The following LRRN1 variants were observed in gnomAD, a reference collection of about 807,000 sequenced individuals.
The protein encoded by LRRN1 is leucine rich repeat neuronal 1.
LRRN1 carries 14 observed loss-of-function variants against 45.8 expected under a neutral mutation model. The ratio of observed to expected loss-of-function variants is 0.31; its 90% CI spans 0.20 to 0.48. The LOEUF (loss-of-function observed/expected upper bound fraction) is 0.48. Among genes scored for constraint, LRRN1 ranks in the 20% least tolerant of loss-of-function variants. LRRN1 has a pLI of 0.99. For missense variants in LRRN1, 789 were observed against 874.2 expected (o/e 0.90, Z 1.23); for synonymous variants, 359 against 330.1 (o/e 1.09, Z -0.95).
chr3:3,800,534 C>T (rs1472344663), intron 1 of LRRN1, among the ~76,000 whole-genome samples: 1 of 151,986 alleles, frequency 6.6e-6, no homozygotes, highest in East Asian at 1.9e-4. Flanking sequence ...CTCGGCGGTC[C>T]ACGCGGGGAC....
At chr3:3,811,588 C>T (rs1194064252) in intron 1 of LRRN1, among the ~76,000 whole-genome samples, 1 of 152,142 alleles carries the variant, frequency 6.6e-6, no homozygotes, top group Non-Finnish European at 1.5e-5. Context: ...AGTTCATAAA[C>T]CTGTATTATA....
chr3:3,838,999 T>G (rs990369636), intron 1 of LRRN1, among the ~76,000 whole-genome samples: 14 of 152,134 alleles, frequency 9.2e-5, no homozygotes, highest in African/African-American at 3.1e-4. Context: ...TGCACAGACC[T>G]TAAGTTTGAA....
chr3:3,827,383 G>C (rs1332592878), intron 1 of LRRN1: 1 of 455,156 alleles, frequency 2.2e-6, no homozygotes, highest in Non-Finnish European at 4.4e-6. Flanking sequence ...GCTGAAGGCA[G>C]AGTGGCCTTC....
At chr3:3,801,356 GACA>G (rs1692648850) in intron 1 of LRRN1, 1 of 152,238 alleles carries the variant, frequency 6.6e-6, no homozygotes, top group Non-Finnish European at 1.5e-5. Context: ...TTTTCTAAAA[GACA>G]ACATGTTTTG....
At chr3:3,836,303 T>C (rs1460466200) in intron 1 of LRRN1, among the ~76,000 whole-genome samples, 1 of 152,228 alleles carries the variant, frequency 6.6e-6, no homozygotes, top group African/African-American at 2.4e-5. Flanking sequence ...CTCTAGAACT[T>C]TGTCATCTTG....
chr3:3,825,004 T>C (rs1293527076), intron 1 of LRRN1, among the ~76,000 whole-genome samples: 1 of 152,178 alleles, frequency 6.6e-6, no homozygotes, highest in Non-Finnish European at 1.5e-5. Context: ...TTTTGATCAG[T>C]TGAAGTCAAA....
chr3:3,801,137 A>G (rs2584051), intron 1 of LRRN1: 141,327 of 152,378 alleles, frequency 0.93, 65,712 homozygotes, highest in East Asian at 1. Flanking sequence ...CCGCGGCCCC[A>G]GCGCCAAGAA....
At chr3:3,820,468 A>G (rs1371437789) in intron 1 of LRRN1, among the ~76,000 whole-genome samples, 1 of 152,146 alleles carries the variant, frequency 6.6e-6, no homozygotes, top group Non-Finnish European at 1.5e-5. Flanking sequence ...GTTATTTTCT[A>G]TGTAAACCGC....
intron 1 of LRRN1, among the ~76,000 whole-genome samples, chr3:3,822,040 T>A (rs1693115743): frequency 6.6e-6 from 1 of 152,204 alleles, no homozygotes; most frequent in South Asian, 2.1e-4. Flanking sequence ...CGATGCGATT[T>A]GGGTTCTGGC....
chr3:3,814,555 T>C (rs1692949412), intron 1 of LRRN1, among the ~76,000 whole-genome samples: 2 of 152,084 alleles, frequency 1.3e-5, no homozygotes, highest in Admixed American at 6.6e-5. Context: ...ATTTGTATAT[T>C]GGAACTTAAA....
intron 1 of LRRN1, among the ~76,000 whole-genome samples, chr3:3,834,262 C>G (rs1398244753): frequency 6.6e-6 from 1 of 151,852 alleles, no homozygotes; most frequent in Non-Finnish European, 1.5e-5. Context: ...CACTGAACTC[C>G]TTGCCTCTTA....
intron 1 of LRRN1, among the ~76,000 whole-genome samples, chr3:3,814,437 T>C (rs1007682296): frequency 6.6e-6 from 1 of 151,980 alleles, no homozygotes; most frequent in African/African-American, 2.4e-5. Context: ...CTTGTTGGGT[T>C]CTGCATCCTG....
chr3:3,802,963 C>T (rs148473785), intron 1 of LRRN1, among the ~76,000 whole-genome samples: 28 of 149,542 alleles, frequency 1.9e-4, no homozygotes, highest in Admixed American at 6.1e-4. Context: ...AGAACTCATT[C>T]CTTGGTAAAT....
Position 3,845,017 on chromosome 3 carries a change from T to G in LRRN1, c.376T>G (p.Leu126Val), listed in dbSNP as rs767464915. The G allele has an allele frequency of 2.5e-6, 4 of 1,614,066 alleles. No homozygotes were observed. The East Asian group carries it at 8.9e-5, about 36-fold the overall frequency. Residue 126 changes from leucine to valine, a missense_variant, in exon 2 of 2, where the codon TTG (leucine) becomes GTG (valine). Leu to Val is a conservative substitution (Grantham distance 32). Transcript: ENST00000319331. This position sits in a 1 kb window ranked among gnomAD's most constrained non-coding sequence, Gnocchi z 6.5. ...CCTAACCCAGCTCACAACGCTGCAT[T>G]TGGAGGAAAATCAGATTACCGAGAT... Reference protein sequence around the residue: ...ANLTQLTTLHLEENQITEMTD... With the variant: ...ANLTQLTTLHVEENQITEMTD...
chr3:3,808,456 A>G (rs1219368470), intron 1 of LRRN1, among the ~76,000 whole-genome samples: 1 of 152,182 alleles, frequency 6.6e-6, no homozygotes, highest in Admixed American at 6.5e-5. Context: ...TGTCAAGTGA[A>G]TGAATGAATG....
intron 1 of LRRN1, among the ~76,000 whole-genome samples, chr3:3,829,991 A>T (rs1388147326): frequency 6.6e-6 from 1 of 152,152 alleles, no homozygotes; most frequent in African/African-American, 2.4e-5. Flanking sequence ...TTGGGCACTC[A>T]GCAGTGTCTG....
intron 1 of LRRN1, among the ~76,000 whole-genome samples, chr3:3,805,862 G>C (rs1163682371): frequency 6.6e-6 from 1 of 152,170 alleles, no homozygotes; most frequent in Non-Finnish European, 1.5e-5. Context: ...CTGTATGCCA[G>C]GCATTACAGA....
chr3:3,827,972 A>G (rs1004251421), intron 1 of LRRN1, among the ~76,000 whole-genome samples: 2 of 152,066 alleles, frequency 1.3e-5, no homozygotes, highest in African/African-American at 4.8e-5. Context: ...GCCATGCCCA[A>G]GGGCCTTAAA....
intron 1 of LRRN1, among the ~76,000 whole-genome samples, chr3:3,842,081 T>C (rs898746285): frequency 2.6e-5 from 4 of 152,174 alleles, no homozygotes; most frequent in African/African-American, 9.6e-5. Flanking sequence ...CATGTTACTA[T>C]CCTGAAGTCA....
Sources: gnomAD v4.1 joint callset for allele counts (sites outside exome capture counted in the v4.1 genomes callset) on GRCh38, gnomAD v4.1.1 for gene constraint, Gnocchi (gnomAD v3.1) non-coding constraint, MANE v1.5 for transcripts, NCBI Gene and HGNC (gene_info 2026-07-23, HGNC 2026-07-21) for gene names.